The following WASF2 variants were observed in gnomAD, a reference collection of about 807,000 sequenced individuals.
WASF2 encodes actin-binding protein WASF2.
WASF2 carries 14 observed loss-of-function variants against 45.0 expected under a neutral mutation model. That is an observed-to-expected ratio of 0.31 (90% CI 0.21 to 0.49). The LOEUF is 0.49. Ranked by LOEUF, WASF2 falls within the 20% of genes least tolerant of loss-of-function variation. WASF2 has a pLI of 0.99. For synonymous variants in WASF2, 200 were observed against 236.3 expected (o/e 0.85, Z 1.41); for missense variants, 439 against 636.1 (o/e 0.69, Z 3.33).
chr1:27,423,114 C>T (rs557765904), intron 2 of WASF2, among the ~76,000 whole-genome samples: 30 of 149,026 alleles, frequency 2.0e-4, no homozygotes, highest in Admixed American at 1.9e-3. Flanking sequence ...TCACTTCAGC[C>T]TGGGCAACGG....
At chr1:27,480,844 T>TA (rs2017838068) in intron 1 of WASF2, among the ~76,000 whole-genome samples, 1 of 151,784 alleles carries the variant, frequency 6.6e-6, no homozygotes, top group Non-Finnish European at 1.5e-5. Flanking sequence ...CCGTCTCTAC[T>TA]AAAAATACAA....
intron 1 of WASF2, among the ~76,000 whole-genome samples, chr1:27,443,140 GGCA>G (rs1290383427): frequency 6.5e-4 from 99 of 151,174 alleles, no homozygotes; most frequent in African/African-American, 2.2e-3. Flanking sequence ...CTCCAGCCTG[GGCA>G]ACACAGTGAG....
At chr1:27,472,187 C>T (rs985628486) in intron 1 of WASF2, among the ~76,000 whole-genome samples, 2 of 151,806 alleles carry the variant, frequency 1.3e-5, no homozygotes, top group African/African-American at 4.8e-5. Context: ...AAAAATTAGC[C>T]GGGCATGGTG....
chr1:27,440,693 G>C (rs1222002054), intron 1 of WASF2, among the ~76,000 whole-genome samples: 1 of 152,092 alleles, frequency 6.6e-6, no homozygotes, highest in Non-Finnish European at 1.5e-5. Context: ...CTGAGCTCAA[G>C]CAATCCTCCA....
At chr1:27,430,171 G>A (rs1279313325) in intron 1 of WASF2, among the ~76,000 whole-genome samples, 2 of 152,118 alleles carry the variant, frequency 1.3e-5, no homozygotes, top group Non-Finnish European at 2.9e-5. Flanking sequence ...GATAGGAGAG[G>A]GTTTTAATTT....
chr1:27,450,498 G>C (rs1353875959), intron 1 of WASF2, among the ~76,000 whole-genome samples: 1 of 151,460 alleles, frequency 6.6e-6, no homozygotes, highest in East Asian at 1.9e-4. Flanking sequence ...CCCTCTCCCA[G>C]ACTCTTTTTT....
chr1:27,454,894 AGTTT>A, intron 1 of WASF2, among the ~76,000 whole-genome samples: 1 of 152,070 alleles, frequency 6.6e-6, no homozygotes, highest in East Asian at 1.9e-4. Context: ...ATTTTCTGTT[AGTTT>A]GTTTTGCTAT....
intron 1 of WASF2, among the ~76,000 whole-genome samples, chr1:27,460,983 A>G (rs991670507): frequency 2.0e-5 from 3 of 152,134 alleles, no homozygotes; most frequent in African/African-American, 7.2e-5. Context: ...CGTCTCTATT[A>G]AATATACAAA....
rs868033825 is a variant in WASF2, at chr1:27,487,650, A to G, written c.-44+2336T>C. The stretch of plus-strand genomic sequence containing the variant: ...ATACAATATATAATATATATTATAT[A>G]TTATATAATATATATTATATATATT... On this transcript the variant is annotated intron_variant, in intron 1 of 8. Coordinates refer to ENST00000618852, the MANE Select transcript of WASF2 (RefSeq NM_006990.5). Among the ~76,000 whole-genome samples the G allele has an allele frequency of 5.1e-3, 508 of 99,248 alleles. 2 individuals are homozygous for G. Among genetic ancestry groups the G allele is most frequent in the Middle Eastern group, 9.2e-3 (2 of 218 alleles). The allele number at this position is 99,248 out of a possible 152,430, so 65.1% of individuals were successfully genotyped here. A position where few individuals can be genotyped will look rare whatever the true frequency, so the allele number is the denominator to read the frequency against.
intron 4 of WASF2, 34 bp from the exon 5 acceptor site, chr1:27,416,136 A>G: frequency 6.4e-7 from 1 of 1,573,734 alleles, no homozygotes; most frequent in Non-Finnish European, 8.7e-7. Flanking sequence ...AGCTGTCAGT[A>G]GACAGATGAG....
chr1:27,408,854 AGAG>A (rs2016715669), intron 8 of WASF2, among the ~76,000 whole-genome samples: 2 of 151,976 alleles, frequency 1.3e-5, no homozygotes, highest in African/African-American at 4.8e-5. Flanking sequence ...AGAGGAGAAA[AGAG>A]GAGATAAAAG....
At position 27,408,320 on chromosome 1, in the gene WASF2, GCTC is replaced by G; in HGVS notation, c.1363_1365del (p.Glu455del). ...ACATCCCGCTTCTCTTGTTCCCGCTGCTCCTCAACCCTGCGCAGCTGAAAACCT... is the reference window on the plus strand; with the variant it reads ...ACATCCCGCTTCTCTTGTTCCCGCTGCTCAACCCTGCGCAGCTGAAAACCT... On this transcript the variant is annotated inframe_deletion, in exon 9 of 9. Transcript: ENST00000618852. 1.2e-6 allele frequency: 2 copies of G among 1,614,206 alleles called. No individual in the cohort carries two copies. The highest frequency in any genetic ancestry group is 1.3e-5 in the African/African-American group (1 of 75,042).
At chr1:27,452,225 C>A (rs1318347247) in intron 1 of WASF2, among the ~76,000 whole-genome samples, 1 of 152,190 alleles carries the variant, frequency 6.6e-6, no homozygotes, top group Non-Finnish European at 1.5e-5. Flanking sequence ...AAAAATAGGC[C>A]AGACGCAGGC....
At chr1:27,483,210 C>G (rs12751856) in intron 1 of WASF2, among the ~76,000 whole-genome samples, 15,089 of 152,162 alleles carry the variant, frequency 0.099, 994 homozygotes, top group Non-Finnish European at 0.15. Context: ...TGGCTCACAT[C>G]CATAATCCCA....
intron 1 of WASF2, among the ~76,000 whole-genome samples, chr1:27,439,819 T>C (rs747403272): frequency 2.0e-5 from 3 of 151,812 alleles, no homozygotes; most frequent in Non-Finnish European, 4.4e-5. Flanking sequence ...GGCAACATGG[T>C]GAGACCTTGT....
rs899292233 is a variant in WASF2, at chr1:27,473,479, GA to G, written c.-44+16506del. On this transcript the variant is annotated intron_variant, in intron 1 of 8. Transcript: ENST00000618852. The stretch of plus-strand genomic sequence containing the variant: ...CCAAAAAAAAAAAAAAAAAAAGAAA[GA>G]AAAAAAAAGTTACATTGTTAATCAT... Among the ~76,000 whole-genome samples the G allele has an allele frequency of 4.1e-3, 560 of 136,966 alleles. 5 individuals are homozygous for G. Among genetic ancestry groups the G allele is most frequent in the African/African-American group, 0.012 (431 of 37,336 alleles). 89.9% of individuals were successfully genotyped at this position (136,966 alleles called of 152,430 possible).
intron 1 of WASF2, among the ~76,000 whole-genome samples, chr1:27,454,575 G>A (rs2017442038): frequency 6.6e-6 from 1 of 151,910 alleles, no homozygotes; most frequent in African/African-American, 2.4e-5. Flanking sequence ...TGGGCTCAAG[G>A]GATCCTCCCG....
chr1:27,442,181 T>C (rs1440289655), intron 1 of WASF2, among the ~76,000 whole-genome samples: 1 of 151,968 alleles, frequency 6.6e-6, no homozygotes, highest in Non-Finnish European at 1.5e-5. Flanking sequence ...ACCCTATCTT[T>C]ACAAAAAAAT....
At chr1:27,415,095 C>A in intron 5 of WASF2, 132 bp from the exon 6 acceptor site, 2 of 1,223,210 alleles carry the variant, frequency 1.6e-6, no homozygotes, top group Non-Finnish European at 2.3e-6. Flanking sequence ...ACAGAACTTA[C>A]AGAATTACTG....
Sources: allele counts gnomAD v4.1 joint callset (sites outside exome capture counted in the v4.1 genomes callset), GRCh38; gene constraint gnomAD v4.1.1; transcripts MANE v1.5; gene names NCBI Gene and HGNC (gene_info 2026-07-23, HGNC 2026-07-21).